Variants in SEMA3C observed in about 807,000 individuals in gnomAD.
SEMA3C encodes the protein semaphorin-3C.
A neutral mutation model predicts 89.4 loss-of-function variants in SEMA3C; 47 were observed. The observed-to-expected ratio is 0.53, with a 90% CI of 0.42 to 0.67. The LOEUF (loss-of-function observed/expected upper bound fraction) is 0.67. SEMA3C is among the 30% of genes least tolerant of loss of function. The probability of loss-of-function intolerance (pLI) is 0.00; values close to 1 mark genes in which losing one functional copy is unlikely to be tolerated. For synonymous variants in SEMA3C, 310 were observed against 320.2 expected, an observed-to-expected ratio of 0.97 and a Z score of 0.34; for missense variants, 839 against 929.1, an observed-to-expected ratio of 0.90 and a Z score of 1.26.
At chr7:80,812,608 T>C (rs756928716) in intron 5 of SEMA3C, among the ~76,000 whole-genome samples, 1 of 152,184 alleles carries the variant, frequency 6.6e-6, no homozygotes, top group African/African-American at 2.4e-5. Flanking sequence ...ACTCCTACAT[T>C]GCACAGCACT....
At chr7:80,841,830 T>C (rs1043651981) in intron 2 of SEMA3C, among the ~76,000 whole-genome samples, 1 of 152,258 alleles carries the variant, frequency 6.6e-6, no homozygotes, top group East Asian at 1.9e-4. Context: ...GATGGGGAGA[T>C]GTTTTCCTAA....
At position 80,889,367 on chromosome 7, in the gene SEMA3C, T is replaced by C. The variant is rs1351538340; in HGVS notation, c.103+27312A>G. ...TTCCTAATCTTATATACAAACTTTG[T>C]TACATATAATCATCTTTCTGCGTTA... On this transcript the variant is annotated intron_variant, in intron 2 of 17. Transcript: ENST00000265361. Among the ~76,000 whole-genome samples the C allele has an allele frequency of 2.0e-5, 3 of 152,316 alleles. No homozygotes were observed. The East Asian group carries it at 5.8e-4, about 29-fold the overall frequency.
intron 2 of SEMA3C, among the ~76,000 whole-genome samples, chr7:80,891,902 AAT>A (rs1415500236): frequency 2.6e-5 from 4 of 152,184 alleles, no homozygotes; most frequent in Non-Finnish European, 5.9e-5. Flanking sequence ...AAGCATTAGC[AAT>A]AGTTTTATAA....
At position 80,804,117 on chromosome 7, in the gene SEMA3C, G is replaced by A. The variant is rs1160702838; in HGVS notation, c.790C>T (p.Arg264Ter). ...GCATTAATACTTACAGGACATATTCGAGCAATCATGGAATGAATCTGTTTC... is the reference window on the plus strand; with the variant it reads ...GCATTAATACTTACAGGACATATTCAAGCAATCATGGAATGAATCTGTTTC... ...STKQIHSMIA[R>*]ICPNDTGGLR... Residue 264 changes from arginine to a stop codon, truncating the protein, a stop_gained, in exon 8 of 18, where the codon CGA (arginine) becomes TGA (stop). Coordinates refer to ENST00000265361, the MANE Select transcript of SEMA3C (RefSeq NM_006379.5). LOFTEE classifies it high-confidence loss of function. The A allele has an allele frequency of 6.2e-6, 10 of 1,608,804 alleles. No individual in the cohort carries two copies. The highest frequency in any genetic ancestry group is 4.0e-5 in the African/African-American group (3 of 74,616).
At chr7:80,807,390 G>C (rs987226719) in intron 6 of SEMA3C, among the ~76,000 whole-genome samples, 2 of 152,082 alleles carry the variant, frequency 1.3e-5, no homozygotes, top group Admixed American at 1.3e-4. Context: ...CATTACATAA[G>C]CCTGCACATC....
In SEMA3C at chr7:80,828,615, A is replaced by G; in HGVS notation, c.234T>C (p.Asn78=). The change falls in exon 3 of 18, where the codon AAT becomes AAC. Residue 78 remains asparagine, a synonymous_variant. Coordinates refer to ENST00000265361, the MANE Select transcript of SEMA3C (RefSeq NM_006379.5). ...AAGCTTCTTGACTTATATTGTTAAT[A>G]TTCAGGGAAAGAATGTGATCTTTGC... ...VGSKDHILSL[N]INNISQEALS... 2 of 1,609,998 alleles carry G rather than the reference A, an allele frequency of 1.2e-6. No homozygotes were observed. The highest frequency in any genetic ancestry group is 1.7e-6 in the Non-Finnish European group (2 of 1,177,404).
At chr7:80,893,381 C>T (rs1028819605) in intron 2 of SEMA3C, among the ~76,000 whole-genome samples, 1 of 152,178 alleles carries the variant, frequency 6.6e-6, no homozygotes, top group Non-Finnish European at 1.5e-5. Flanking sequence ...ATCAGATACA[C>T]TCTCTGCCTT....
chr7:80,809,453 C>T (rs1212270046), intron 6 of SEMA3C, among the ~76,000 whole-genome samples: 1 of 152,140 alleles, frequency 6.6e-6, no homozygotes. Context: ...AGAGGAAATG[C>T]TGGATCATAT....
chr7:80,840,532 AAAAAAAAAAAAGAGCG>A (rs1790239924), intron 2 of SEMA3C, among the ~76,000 whole-genome samples: 1 of 143,526 alleles, frequency 7.0e-6, no homozygotes, highest in South Asian at 2.2e-4. Context: ...AAAAAAAAAA[AAAAAAAAAAAAGAGCG>A]AGAGAGAGAG....
intron 5 of SEMA3C, among the ~76,000 whole-genome samples, chr7:80,812,301 C>G (rs920966519): frequency 6.6e-6 from 1 of 152,158 alleles, no homozygotes; most frequent in African/African-American, 2.4e-5. Flanking sequence ...AATGAAGTCA[C>G]TCTACAGGTG....
chr7:80,855,180 A>C (rs1374382251), intron 2 of SEMA3C, among the ~76,000 whole-genome samples: 1 of 152,216 alleles, frequency 6.6e-6, no homozygotes, highest in Non-Finnish European at 1.5e-5. Context: ...CATATTTTAA[A>C]GTGAAAGGAG....
chr7:80,850,896 C>T (rs1453941376), intron 2 of SEMA3C, among the ~76,000 whole-genome samples: 1 of 152,098 alleles, frequency 6.6e-6, no homozygotes, highest in Non-Finnish European at 1.5e-5. Flanking sequence ...AATTTTTTCT[C>T]TCACACTTCT....
chr7:80,802,529 C>T, intron 9 of SEMA3C, 136 bp downstream of exon 9: 1 of 567,402 alleles, frequency 1.8e-6, no homozygotes, highest in Non-Finnish European at 3.1e-6. Flanking sequence ...TGAACAGTAT[C>T]TAGATAATTA....
intron 2 of SEMA3C, among the ~76,000 whole-genome samples, chr7:80,867,745 CCTCT>C (rs1306017513): frequency 6.6e-6 from 1 of 151,786 alleles, no homozygotes; most frequent in Non-Finnish European, 1.5e-5. Context: ...CACACATTAA[CCTCT>C]CTGTGTGGAA....
At chr7:80,827,918 C>T (rs1013412037) in intron 3 of SEMA3C, among the ~76,000 whole-genome samples, 1 of 152,072 alleles carries the variant, frequency 6.6e-6, no homozygotes, top group Non-Finnish European at 1.5e-5. Context: ...AGATGGGCCC[C>T]TGGGTACTTC....
At chr7:80,919,168 C>T, upstream of SEMA3C, 1 of 984,716 alleles carries the variant, frequency 1.0e-6, no homozygotes, top group Non-Finnish European at 1.2e-6. Context: ...CACCACCGCG[C>T]AGCCCCGGCC....
At chr7:80,828,893 G>A in intron 2 of SEMA3C, 148 bp from the exon 3 acceptor site, 1 of 652,562 alleles carries the variant, frequency 1.5e-6, no homozygotes, top group Non-Finnish European at 2.4e-6. Context: ...TAGAGTTATG[G>A]GCTAGTTCCC....
Position 80,779,368 on chromosome 7 carries a change from A to C in SEMA3C, c.1354+9938T>G, listed in dbSNP as rs186725827. Among the ~76,000 whole-genome samples, 189 of 152,308 alleles carry C rather than the reference A, an allele frequency of 1.2e-3. 1 individual carries two copies. The highest frequency in any genetic ancestry group is 3.8e-3 in the African/African-American group (158 of 41,574). On this transcript the variant is annotated intron_variant, in intron 12 of 17. Coordinates refer to ENST00000265361, the MANE Select transcript of SEMA3C (RefSeq NM_006379.5). ...AAAAAAAAGGAATTCATTACTCTCC[A>C]AATCTGATTGCTGATTCTCTCTTAC...
intron 14 of SEMA3C, among the ~76,000 whole-genome samples, 187 bp from the exon 15 acceptor site, chr7:80,758,675 A>G (rs1788120929): frequency 6.6e-6 from 1 of 152,248 alleles, no homozygotes; most frequent in Non-Finnish European, 1.5e-5. Context: ...ATATGCCTAT[A>G]GCATTACCAC....
Sources: allele counts gnomAD v4.1 joint callset (sites outside exome capture counted in the v4.1 genomes callset), GRCh38; gene constraint gnomAD v4.1.1; transcripts MANE v1.5; gene names NCBI Gene and HGNC (gene_info 2026-07-23, HGNC 2026-07-21).